The following PPP2R2D variants were observed in gnomAD, a reference collection of about 807,000 sequenced individuals.
The protein encoded by PPP2R2D is protein phosphatase 2 regulatory subunit Bdelta.
PPP2R2D carries 9 observed loss-of-function variants against 31.1 expected under a neutral mutation model. That is an observed-to-expected ratio of 0.29 (90% CI 0.17 to 0.51). The LOEUF is 0.51. Among genes scored for constraint, PPP2R2D ranks in the 20% least tolerant of loss-of-function variants. The pLI is 0.98. For synonymous variants in PPP2R2D, 179 were observed against 172.6 expected (o/e 1.04, Z -0.29); for missense variants, 391 against 465.6 (o/e 0.84, Z 1.48).
At chr10:131,966,861 CT>C in the PPP2R2D span, 2 of 149,088 alleles carry the variant, frequency 1.3e-5, no homozygotes, top group East Asian at 4.0e-4. Flanking sequence ...AGTCCCAGAG[CT>C]TAGTACCTCC....
intron 3 of PPP2R2D, 138 bp from the exon 4 acceptor site, chr10:131,939,893 T>G (rs1380584164): frequency 4.8e-6 from 2 of 416,376 alleles, no homozygotes; most frequent in East Asian, 7.1e-5. Flanking sequence ...TTCCCTGAGT[T>G]TCATCTGAGA....
chr10:131,941,522 G>T (rs2036441852), intron 5 of PPP2R2D, among the ~76,000 whole-genome samples: 1 of 152,128 alleles, frequency 6.6e-6, no homozygotes, highest in Non-Finnish European at 1.5e-5. Flanking sequence ...GAAAACCGTT[G>T]GTTGTTTGGG....
chr10:131,935,122 C>A, intron 3 of PPP2R2D: 2 of 361,016 alleles, frequency 5.5e-6, no homozygotes, highest in Non-Finnish European at 1.1e-5. Flanking sequence ...GCACTGGCTT[C>A]CCGGTCACGG....
intron 2 of PPP2R2D, among the ~76,000 whole-genome samples, chr10:131,909,784 C>T (rs1264638625): frequency 5.3e-5 from 8 of 152,282 alleles, no homozygotes; most frequent in South Asian, 2.1e-4. Context: ...TGCTGGTTAT[C>T]GCTGTTGATG....
At chr10:131,920,440 G>T (rs2035962498) in intron 2 of PPP2R2D, among the ~76,000 whole-genome samples, 1 of 152,224 alleles carries the variant, frequency 6.6e-6, no homozygotes, top group South Asian at 2.1e-4. Flanking sequence ...CACAGTGTTT[G>T]TGGGGACCTC....
chr10:131,928,056 C>T (rs188207221), intron 2 of PPP2R2D, among the ~76,000 whole-genome samples: 57 of 152,288 alleles, frequency 3.7e-4, no homozygotes, highest in Admixed American at 3.7e-3. Context: ...GAGCTGTCTA[C>T]GAGAGCTGCC....
At chr10:131,935,160 G>T (rs1401786612) in intron 3 of PPP2R2D, among the ~76,000 whole-genome samples, 3 of 152,192 alleles carry the variant, frequency 2.0e-5, no homozygotes, top group African/African-American at 4.8e-5. Context: ...TGCCTTGCCA[G>T]CCCCCTCCCT....
chr10:131,930,752 A>G (rs914555305), intron 2 of PPP2R2D, among the ~76,000 whole-genome samples: 2 of 152,152 alleles, frequency 1.3e-5, no homozygotes, highest in African/African-American at 4.8e-5. Flanking sequence ...GCCATCAGCC[A>G]TGCGGGGCCT....
rs1157707128 is a variant in PPP2R2D at position 131,901,134 on chromosome 10, C to G, written c.-15C>G. On this transcript the variant is annotated 5_prime_UTR_variant, in exon 1 of 9. Coordinates refer to ENST00000455566, the MANE Select transcript of PPP2R2D (RefSeq NM_018461.5). Reference sequence around the variant, plus strand: ...TGGTCTGCCGCGGTCCCCGCCCGTCCCGCCGCCGGCTGCCATGGCAGGTGA... The same window carrying G: ...TGGTCTGCCGCGGTCCCCGCCCGTCGCGCCGCCGGCTGCCATGGCAGGTGA... 3.7e-6 allele frequency: 1 copy of G among 272,082 alleles called. No homozygotes were observed. Among genetic ancestry groups the G allele is most frequent in the Non-Finnish European group, 6.8e-6 (1 of 146,564 alleles). 16.9% of individuals were successfully genotyped at this position (272,082 alleles called of 1,614,324 possible). A position where few individuals can be genotyped will look rare whatever the true frequency, so the allele number is the denominator to read the frequency against.
At chr10:131,904,338 C>T (rs968877764) in intron 2 of PPP2R2D, among the ~76,000 whole-genome samples, 1 of 152,134 alleles carries the variant, frequency 6.6e-6, no homozygotes, top group East Asian at 1.9e-4. Flanking sequence ...GGTGAAACCC[C>T]GTCTCTACTA....
intron 2 of PPP2R2D, among the ~76,000 whole-genome samples, chr10:131,920,801 T>C (rs2035971615): frequency 6.6e-6 from 1 of 152,144 alleles, no homozygotes; most frequent in Non-Finnish European, 1.5e-5. Flanking sequence ...CAGTGGTGCA[T>C]ACCTGTAATC....
chr10:131,907,465 G>A (rs2035611708), intron 2 of PPP2R2D, among the ~76,000 whole-genome samples: 2 of 152,154 alleles, frequency 1.3e-5, no homozygotes, highest in African/African-American at 4.8e-5. Flanking sequence ...GACTCGCCGG[G>A]CGCAGTGGTT....
intron 2 of PPP2R2D, among the ~76,000 whole-genome samples, 177 bp downstream of exon 2, chr10:131,901,507 G>A (rs925490599): frequency 2.6e-5 from 4 of 151,884 alleles, no homozygotes; most frequent in African/African-American, 7.2e-5. Context: ...TCCTCTGTCC[G>A]CTGTCCCGGC....
chr10:131,966,111 T>C, the PPP2R2D span, among the ~76,000 whole-genome samples: 5 of 152,240 alleles, frequency 3.3e-5, no homozygotes, highest in African/African-American at 4.8e-5. Flanking sequence ...AAAGCATAGA[T>C]GCATGGCTGG....
At chr10:131,925,737 T>G (rs535726092) in intron 2 of PPP2R2D, among the ~76,000 whole-genome samples, 28 of 152,274 alleles carry the variant, frequency 1.8e-4, no homozygotes, top group African/African-American at 6.7e-4. Flanking sequence ...CAGGAAAAAT[T>G]AGGCATGCGG....
chr10:131,971,442 G>C, the PPP2R2D span: 1 of 161,756 alleles, frequency 6.2e-6, no homozygotes, highest in Non-Finnish European at 1.4e-5. Flanking sequence ...AAGCAGGAGG[G>C]AAAAGGCAGA....
downstream of PPP2R2D, among the ~76,000 whole-genome samples, chr10:131,964,666 G>T (rs11146367): frequency 0.29 from 38,456 of 133,630 alleles, 5,370 homozygotes; most frequent in East Asian, 0.46. Flanking sequence ...AGTTTACTAT[G>T]TTTTTTTTTT....
downstream of PPP2R2D, among the ~76,000 whole-genome samples, chr10:131,963,461 A>G (rs1189881554): frequency 6.6e-6 from 1 of 152,242 alleles, no homozygotes; most frequent in African/African-American, 2.4e-5. Flanking sequence ...ATACAAACAC[A>G]AATAAGATTC....
intron 8 of PPP2R2D, among the ~76,000 whole-genome samples, chr10:131,951,290 A>G (rs2036631167): frequency 6.6e-6 from 1 of 152,252 alleles, no homozygotes; most frequent in Admixed American, 6.5e-5. Context: ...ACGTGCTCAG[A>G]TACCTGAAAT....
Sources: allele counts gnomAD v4.1 joint callset (sites outside exome capture counted in the v4.1 genomes callset), GRCh38; gene constraint gnomAD v4.1.1; transcripts MANE v1.5; gene names NCBI Gene and HGNC (gene_info 2026-07-23, HGNC 2026-07-21).